FGF1: variants seen among roughly 807,000 people sequenced by gnomAD.
FGF1 encodes fibroblast growth factor 1.
A neutral mutation model predicts 13.4 loss-of-function variants in FGF1; 9 were observed. The observed-to-expected ratio is 0.67, with a 90% CI of 0.40 to 1.17. FGF1 has a LOEUF of 1.17. FGF1 is among the 50% of genes most tolerant of loss of function. FGF1 has a pLI of 0.01. For missense variants in FGF1, 156 were observed against 192.7 expected, an observed-to-expected ratio of 0.81 and a Z score of 1.13; for synonymous variants, 93 against 79.0, an observed-to-expected ratio of 1.18 and a Z score of -0.94.
chr5:142,637,128 C>T (rs188997900), intron 1 of FGF1, among the ~76,000 whole-genome samples: 1 of 152,024 alleles, frequency 6.6e-6, no homozygotes, highest in East Asian at 1.9e-4. Context: ...AGTATGTCAG[C>T]CCAGCGGCCC....
At chr5:142,621,158 G>A (rs1349288007) in intron 1 of FGF1, 1 of 152,240 alleles carries the variant, frequency 6.6e-6, no homozygotes, top group African/African-American at 2.4e-5. Context: ...CTGGGTCATT[G>A]ATTTCCCGTT....
intron 1 of FGF1, among the ~76,000 whole-genome samples, chr5:142,618,921 G>GTTTTTTTTTTTTTT (rs1343286807): frequency 9.2e-6 from 1 of 108,358 alleles, no homozygotes. Context: ...TTATTTTTTA[G>GTTTTTTTTTTTTTT]TTGTTTTGTT....
chr5:142,610,277 T>A (rs1758770356), intron 2 of FGF1, among the ~76,000 whole-genome samples: 1 of 152,194 alleles, frequency 6.6e-6, no homozygotes, highest in Non-Finnish European at 1.5e-5. Flanking sequence ...CAAATTAATG[T>A]TTACTGGACA....
At chr5:142,683,278 A>G (rs1328309718) in intron 1 of FGF1, among the ~76,000 whole-genome samples, 2 of 152,174 alleles carry the variant, frequency 1.3e-5, no homozygotes, top group Admixed American at 6.5e-5. Context: ...ACAGGCTGAC[A>G]GTGTCAGAGG....
intron 1 of FGF1, among the ~76,000 whole-genome samples, chr5:142,674,349 T>G (rs1017731363): frequency 1.3e-5 from 2 of 152,176 alleles, no homozygotes; most frequent in African/African-American, 4.8e-5. Flanking sequence ...GTTCTACCTC[T>G]GGGGAGGGCC....
intron 1 of FGF1, among the ~76,000 whole-genome samples, chr5:142,634,885 T>TC (rs1554083676): frequency 2.8e-4 from 42 of 152,228 alleles, no homozygotes; most frequent in Middle Eastern, 3.4e-3. Context: ...TTTTTTTTTT[T>TC]TCCACGACTC....
intron 1 of FGF1, among the ~76,000 whole-genome samples, chr5:142,659,420 G>A (rs1458430627): frequency 6.6e-6 from 1 of 151,884 alleles, no homozygotes; most frequent in Non-Finnish European, 1.5e-5. Context: ...GTAGAGACAG[G>A]GTTTCACCAT....
At chr5:142,679,472 C>T (rs1055793212) in intron 1 of FGF1, among the ~76,000 whole-genome samples, 1 of 152,138 alleles carries the variant, frequency 6.6e-6, no homozygotes, top group African/African-American at 2.4e-5. Flanking sequence ...GATGTCTATA[C>T]CCCCATCTAG....
chr5:142,681,532 C>A (rs1263796541), intron 1 of FGF1, among the ~76,000 whole-genome samples: 1 of 152,190 alleles, frequency 6.6e-6, no homozygotes, highest in Non-Finnish European at 1.5e-5. Context: ...GAGATTCTAC[C>A]TATGGCCCAA....
chr5:142,609,637 G>C (rs186341639), intron 2 of FGF1, among the ~76,000 whole-genome samples: 9 of 152,180 alleles, frequency 5.9e-5, no homozygotes, highest in Admixed American at 1.3e-4. Context: ...TCAGTTCTGC[G>C]AGCAAGCATA....
At chr5:142,692,653 T>C (rs1166094729) in intron 2 of FGF1, among the ~76,000 whole-genome samples, 9 of 146,588 alleles carry the variant, frequency 6.1e-5, no homozygotes, top group African/African-American at 2.4e-4. Context: ...ATAGCTCTAT[T>C]CCCCAGGACA....
At chr5:142,645,666 G>A (rs1424106998) in intron 1 of FGF1, among the ~76,000 whole-genome samples, 2 of 152,124 alleles carry the variant, frequency 1.3e-5, no homozygotes, top group Non-Finnish European at 1.5e-5. Flanking sequence ...ATTCAGTAGG[G>A]TGACAGCTGC....
intron 2 of FGF1, among the ~76,000 whole-genome samples, chr5:142,608,130 T>C (rs1408724194): frequency 1.3e-5 from 2 of 152,208 alleles, no homozygotes; most frequent in Non-Finnish European, 2.9e-5. Context: ...AGCATCTTCC[T>C]GTCCCATCCC....
chr5:142,694,174 C>G (rs752279658), intron 2 of FGF1, among the ~76,000 whole-genome samples: 7 of 151,632 alleles, frequency 4.6e-5, no homozygotes, highest in East Asian at 1.9e-4. Flanking sequence ...TATTCCCCCC[C>G]ACCCTGCCCA....
At chr5:142,627,848 A>G (rs935733662) in intron 1 of FGF1, among the ~76,000 whole-genome samples, 11 of 152,180 alleles carry the variant, frequency 7.2e-5, no homozygotes, top group Admixed American at 2.0e-4. Context: ...CTATTTCTAG[A>G]GGTTCCATGT....
At chr5:142,602,338 G>T (rs746292883) in intron 2 of FGF1, among the ~76,000 whole-genome samples, 1 of 151,918 alleles carries the variant, frequency 6.6e-6, no homozygotes, top group Non-Finnish European at 1.5e-5. Flanking sequence ...CACCATGCCC[G>T]GCTAATTTTG....
intron 2 of FGF1, among the ~76,000 whole-genome samples, chr5:142,608,333 T>C (rs1758150259): frequency 6.6e-6 from 1 of 151,932 alleles, no homozygotes; most frequent in Non-Finnish European, 1.5e-5. Context: ...CTTTGCCGTG[T>C]TTACCCAAAG....
Position 142,605,098 on chromosome 5 carries a change from G to T in FGF1, c.170-4293C>A, listed in dbSNP as rs536343285. Among the ~76,000 whole-genome samples, 164 of 151,778 alleles carry T rather than the reference G, an allele frequency of 1.1e-3. 1 individual carries two copies. The highest frequency in any genetic ancestry group is 3.9e-3 in the African/African-American group (162 of 41,398). On this transcript the variant is annotated intron_variant, in intron 2 of 3. Transcript: ENST00000337706. ...TTAGGTAATCAAGGAAGTTTTTTTTGTTTGTTTGTTTCTTTTTTCTTTCTT... is the reference window on the plus strand; with the variant it reads ...TTAGGTAATCAAGGAAGTTTTTTTTTTTTGTTTGTTTCTTTTTTCTTTCTT...
At chr5:142,595,650 T>A (rs1234868719) in intron 3 of FGF1, among the ~76,000 whole-genome samples, 166 bp from the exon 4 acceptor site, 1 of 152,222 alleles carries the variant, frequency 6.6e-6, no homozygotes, top group East Asian at 1.9e-4. Context: ...CACAGGGTAG[T>A]CATAAGGACT....
Sources: allele counts gnomAD v4.1 joint callset (sites outside exome capture counted in the v4.1 genomes callset), GRCh38; gene constraint gnomAD v4.1.1; transcripts MANE v1.5; gene names NCBI Gene and HGNC (gene_info 2026-07-23, HGNC 2026-07-21).